The following KCNH7 variants were observed in gnomAD, a reference collection of about 807,000 sequenced individuals.
KCNH7 encodes voltage-gated inwardly rectifying potassium channel KCNH7.
Under a neutral mutation model 120.8 loss-of-function variants are expected in KCNH7, and 49 were observed. The ratio of observed to expected loss-of-function variants is 0.41; its 90% CI spans 0.32 to 0.51. KCNH7 has a LOEUF of 0.51. KCNH7 is among the 20% of genes least tolerant of loss of function. KCNH7 has a pLI of 0.38. For missense variants in KCNH7, 1,097 were observed against 1,446.6 expected, an observed-to-expected ratio of 0.76 and a Z score of 3.92; for synonymous variants, 547 against 516.1, an observed-to-expected ratio of 1.06 and a Z score of -0.81.
intron 14 of KCNH7, among the ~76,000 whole-genome samples, chr2:162,378,661 A>G (rs192674603): frequency 3.7e-4 from 57 of 152,350 alleles, no homozygotes; most frequent in East Asian, 1.2e-3. Context: ...AGAGATGGAA[A>G]GAACAAATTA....
intron 2 of KCNH7, among the ~76,000 whole-genome samples, chr2:162,552,193 T>A (rs927251242): frequency 6.6e-6 from 1 of 152,220 alleles, no homozygotes; most frequent in Non-Finnish European, 1.5e-5. Context: ...TCTCCATAAC[T>A]ACCTTGCTTA....
Position 162,589,336 on chromosome 2 carries a change from G to A in KCNH7, c.308-52256C>T, listed in dbSNP as rs1291241581. Reference sequence around the variant, plus strand: ...TCTTCAATGTTTAACAAGAGGCAGAGAAATGAACATTCTTCTTTGTAGCTT... The same window carrying A: ...TCTTCAATGTTTAACAAGAGGCAGAAAAATGAACATTCTTCTTTGTAGCTT... On this transcript the variant is annotated intron_variant, in intron 2 of 15. Coordinates refer to ENST00000332142, the MANE Select transcript of KCNH7 (RefSeq NM_033272.4). Among the ~76,000 whole-genome samples, 10 of 152,144 alleles carry A rather than the reference G, an allele frequency of 6.6e-5. No individual in the cohort carries two copies. In the East Asian group the frequency reaches 1.7e-3, roughly 27 times the overall value.
intron 5 of KCNH7, among the ~76,000 whole-genome samples, chr2:162,510,445 C>A (rs2105767583): frequency 6.6e-6 from 1 of 151,430 alleles, no homozygotes; most frequent in Middle Eastern, 3.4e-3. Flanking sequence ...GTGTAACAGG[C>A]ACTAACACGG....
intron 3 of KCNH7, among the ~76,000 whole-genome samples, chr2:162,535,396 T>C (rs1480294357): frequency 6.6e-6 from 1 of 151,734 alleles, no homozygotes; most frequent in Non-Finnish European, 1.5e-5. Flanking sequence ...GTAAAATTAA[T>C]GTATTCAGAA....
chr2:162,689,322 T>C (rs1686019565), intron 2 of KCNH7, among the ~76,000 whole-genome samples: 1 of 151,960 alleles, frequency 6.6e-6, no homozygotes, highest in Non-Finnish European at 1.5e-5. Flanking sequence ...GGCTGATTTT[T>C]TGTATTTTTA....
chr2:162,718,045 TCTC>T (rs143793227), intron 2 of KCNH7, among the ~76,000 whole-genome samples: 2 of 150,998 alleles, frequency 1.3e-5, no homozygotes, highest in East Asian at 4.4e-4. Flanking sequence ...TCCCTCTCTC[TCTC>T]TTTTTTTTTT....
chr2:162,616,310 G>A (rs756603787), intron 2 of KCNH7, among the ~76,000 whole-genome samples: 1 of 152,142 alleles, frequency 6.6e-6, no homozygotes, highest in Non-Finnish European at 1.5e-5. Flanking sequence ...TCCTCATCTG[G>A]ACACTGGGTT....
chr2:162,529,309 CA>C (rs1691832641), intron 3 of KCNH7, among the ~76,000 whole-genome samples: 1 of 151,830 alleles, frequency 6.6e-6, no homozygotes, highest in African/African-American at 2.4e-5. Flanking sequence ...GTAAGAGGAA[CA>C]ACAAATGGTA....
intron 2 of KCNH7, among the ~76,000 whole-genome samples, chr2:162,768,084 T>A (rs1682891951): frequency 6.6e-6 from 1 of 152,178 alleles, no homozygotes; most frequent in Admixed American, 6.5e-5. Context: ...ATGTTTTGGG[T>A]TAGCAGAGTA....
At chr2:162,636,927 C>T (rs1192176957) in intron 2 of KCNH7, among the ~76,000 whole-genome samples, 4 of 152,122 alleles carry the variant, frequency 2.6e-5, no homozygotes, top group Non-Finnish European at 5.9e-5. Context: ...TGTTTCTTCA[C>T]TTAATCTAGG....
At chr2:162,649,561 A>G (rs1488989800) in intron 2 of KCNH7, among the ~76,000 whole-genome samples, 3 of 152,142 alleles carry the variant, frequency 2.0e-5, no homozygotes, top group African/African-American at 7.2e-5. Flanking sequence ...GCTGACTCTT[A>G]GAGATTTCTC....
chr2:162,379,810 A>G (rs1686345388), intron 14 of KCNH7, 43 bp downstream of exon 14: 2 of 1,592,054 alleles, frequency 1.3e-6, no homozygotes, highest in Non-Finnish European at 1.7e-6. Context: ...GACCCATGTA[A>G]GGGGTTGGGT....
At chr2:162,796,108 A>G (rs1182096496) in intron 2 of KCNH7, 3 of 152,100 alleles carry the variant, frequency 2.0e-5, no homozygotes, top group African/African-American at 4.8e-5. Flanking sequence ...TTGTTTACAT[A>G]CACAATGGAT....
chr2:162,623,117 T>C (rs372713803), intron 2 of KCNH7, among the ~76,000 whole-genome samples: 7 of 152,278 alleles, frequency 4.6e-5, no homozygotes, highest in African/African-American at 1.4e-4. Context: ...TTATGGATTA[T>C]CTGAATTCTG....
intron 6 of KCNH7, among the ~76,000 whole-genome samples, chr2:162,459,610 T>C (rs2105600370): frequency 6.6e-6 from 1 of 152,294 alleles, no homozygotes; most frequent in Middle Eastern, 3.4e-3. Flanking sequence ...TCTTTCAGTG[T>C]AATGGGATAG....
chr2:162,777,546 G>A (rs896345766), intron 2 of KCNH7, among the ~76,000 whole-genome samples: 1 of 152,108 alleles, frequency 6.6e-6, no homozygotes, highest in African/African-American at 2.4e-5. Flanking sequence ...TTGAAGTTGA[G>A]GAGACGAATA....
intron 6 of KCNH7, among the ~76,000 whole-genome samples, chr2:162,476,174 A>G (rs1366931166): frequency 6.6e-6 from 1 of 152,202 alleles, no homozygotes; most frequent in East Asian, 1.9e-4. Context: ...TCATTTTACC[A>G]GTTCTCAGCT....
At chr2:162,627,620 T>C (rs908739373) in intron 2 of KCNH7, among the ~76,000 whole-genome samples, 1 of 152,180 alleles carries the variant, frequency 6.6e-6, no homozygotes, top group Non-Finnish European at 1.5e-5. Flanking sequence ...TTTTCATATT[T>C]CATGACTTAT....
At chr2:162,568,278 C>A (rs763828434) in intron 2 of KCNH7, among the ~76,000 whole-genome samples, 1 of 151,960 alleles carries the variant, frequency 6.6e-6, no homozygotes, top group Non-Finnish European at 1.5e-5. Context: ...TATGGGATTA[C>A]AATTCAAGAT....
Sources: allele counts gnomAD v4.1 joint callset (sites outside exome capture counted in the v4.1 genomes callset), GRCh38; gene constraint gnomAD v4.1.1; transcripts MANE v1.5; gene names NCBI Gene and HGNC (gene_info 2026-07-23, HGNC 2026-07-21).